Variants in TBCD observed in about 807,000 individuals in gnomAD.
TBCD encodes tubulin folding cofactor D, also known as tubulin-specific chaperone D.
In TBCD, 105 loss-of-function variants were observed where a neutral mutation model predicts 169.3. The observed-to-expected ratio is 0.62, with a 90% confidence interval of 0.53 to 0.73. TBCD has a LOEUF of 0.73. TBCD is among the 30% of genes least tolerant of loss of function. The probability of loss-of-function intolerance (pLI) is 0.00; values close to 1 mark genes in which losing one functional copy is unlikely to be tolerated. For synonymous variants in TBCD, 700 were observed against 643.9 expected (o/e 1.09, Z -1.32); for missense variants, 1,444 against 1,600.1 (o/e 0.90, Z 1.66).
At chr17:82,807,543 C>T (rs2051063080) in intron 10 of TBCD, 65 bp from the exon 11 acceptor site, 1 of 1,350,688 alleles carries the variant, frequency 7.4e-7, no homozygotes, top group African/African-American at 1.5e-5. Flanking sequence ...GATGGGTCAC[C>T]TTACAGCTGG....
intron 30 of TBCD, 144 bp from the exon 31 acceptor site, chr17:82,928,969 C>A: frequency 9.5e-7 from 1 of 1,049,294 alleles, no homozygotes; most frequent in Non-Finnish European, 1.3e-6. Flanking sequence ...TGTCAGCTGC[C>A]AACTCAGCCA....
At chr17:82,771,071 C>G (rs2048289052) in intron 5 of TBCD, among the ~76,000 whole-genome samples, 1 of 142,638 alleles carries the variant, frequency 7.0e-6, no homozygotes, top group Non-Finnish European at 1.5e-5. Flanking sequence ...AAAAAAAAAG[C>G]CTGCCCCAGA....
At position 82,930,824 on chromosome 17, in the gene TBCD, C is replaced by T. The variant is rs1467000630; in HGVS notation, c.3113+181C>T. The stretch of plus-strand genomic sequence containing the variant: ...TGCCTGCAGCATATGGTTCTCCGGG[C>T]GGCCAGGCCTCAGCCCCTGCGCCTC... On this transcript the variant is annotated intron_variant, in intron 33 of 38. Transcript: ENST00000355528. The surrounding 1 kb of genome is among the most constrained non-coding windows in gnomAD (Gnocchi z 5.2). 2.0e-5 allele frequency among the ~76,000 whole-genome samples: 3 copies of T among 152,190 alleles called. No homozygotes were observed. Among genetic ancestry groups the T allele is most frequent in the East Asian group, 1.9e-4 (1 of 5,194 alleles).
chr17:82,795,124 A>T (rs2050008398), intron 7 of TBCD, among the ~76,000 whole-genome samples: 2 of 152,230 alleles, frequency 1.3e-5, no homozygotes, highest in Admixed American at 1.3e-4. Context: ...GTTGTACTAC[A>T]CTTCATAGGA....
At chr17:82,941,912 C>A in intron 38 of TBCD, 1 of 215,016 alleles carries the variant, frequency 4.7e-6, no homozygotes, top group Non-Finnish European at 9.1e-6. Flanking sequence ...TCTAAAGTAA[C>A]AAAAACAAGT....
chr17:82,763,928 C>T (rs2047900149), intron 2 of TBCD, 37 bp from the exon 3 acceptor site: 1 of 1,574,204 alleles, frequency 6.4e-7, no homozygotes, highest in Non-Finnish European at 8.7e-7. Flanking sequence ...TGTTGATGTT[C>T]ACTTTTACAG....
At chr17:82,872,031 T>C (rs1423720666) in intron 14 of TBCD, among the ~76,000 whole-genome samples, 2 of 152,154 alleles carry the variant, frequency 1.3e-5, no homozygotes, top group East Asian at 3.9e-4. Context: ...TGTTCCATCT[T>C]ACCAAATACT....
intron 23 of TBCD, among the ~76,000 whole-genome samples, chr17:82,914,537 C>A (rs970949954): frequency 1.3e-5 from 2 of 152,220 alleles, no homozygotes; most frequent in African/African-American, 4.8e-5. Context: ...TCCCTCACAC[C>A]GCTGAGTGCA....
chr17:82,753,823 GA>G (rs2047250596), intron 1 of TBCD, among the ~76,000 whole-genome samples: 1 of 151,048 alleles, frequency 6.6e-6, no homozygotes, highest in African/African-American at 2.4e-5. Context: ...CCATGGAGAA[GA>G]TTTAGTTCAC....
At chr17:82,904,096 C>T (rs1297714275) in intron 19 of TBCD, among the ~76,000 whole-genome samples, 4 of 147,892 alleles carry the variant, frequency 2.7e-5, no homozygotes, top group African/African-American at 1.0e-4. Context: ...ACCTGCCACA[C>T]GACACTCCCT....
chr17:82,839,137 A>G lies in TBCD; in HGVS notation c.1318+24203A>G, dbSNP rs535349417. ...CCAATTTTAAACTTCATGTAAGCTT[A>G]TGTACTTATTTTAAACTTTAAAACT... On this transcript the variant is annotated intron_variant, in intron 13 of 38. Coordinates refer to ENST00000355528, the MANE Select transcript of TBCD (RefSeq NM_005993.5). Among the ~76,000 whole-genome samples the G allele has an allele frequency of 5.3e-5, 8 of 152,338 alleles. No individual in the cohort carries two copies. The East Asian group carries it at 1.5e-3, about 29-fold the overall frequency.
chr17:82,871,635 T>A (rs890769926), intron 14 of TBCD, among the ~76,000 whole-genome samples: 15 of 152,194 alleles, frequency 9.9e-5, no homozygotes, highest in African/African-American at 3.4e-4. Context: ...CACCTGGAAG[T>A]GCACTGCTCC....
At chr17:82,772,430 T>G in intron 5 of TBCD, 22 bp from the exon 6 acceptor site, 1 of 1,613,908 alleles carries the variant, frequency 6.2e-7, no homozygotes, top group Non-Finnish European at 8.5e-7. Flanking sequence ...TGACCGTGTC[T>G]GTGCTTCACC....
rs1293333114 is a variant in TBCD, at chr17:82,832,243, A to G, written c.1318+17309A>G. 6.2e-7 allele frequency: 1 copy of G among 1,614,220 alleles called. No homozygotes were observed. The highest frequency in any genetic ancestry group is 1.7e-5 in the Admixed American group (1 of 60,034). On this transcript the variant is annotated intron_variant, in intron 13 of 38. Coordinates refer to ENST00000355528, the MANE Select transcript of TBCD (RefSeq NM_005993.5). This position sits in a 1 kb window ranked among gnomAD's most constrained non-coding sequence, Gnocchi z 4.9. ...GGGCTGGTTGGTTTGCTTGGGGTCT[A>G]GTGAGTTAGATTTAGGGCACTTGGG...
chr17:82,907,885 C>T, intron 21 of TBCD, 64 bp downstream of exon 21: 1 of 1,545,940 alleles, frequency 6.5e-7, no homozygotes. Context: ...CTTAGGGCCT[C>T]CCACCCTCCC....
In TBCD at chr17:82,782,400, T is replaced by C. The variant is rs998048634; in HGVS notation, c.771+679T>C. 1.3e-5 allele frequency among the ~76,000 whole-genome samples: 2 copies of C among 152,220 alleles called. No individual in the cohort carries two copies. Among genetic ancestry groups the C allele is most frequent in the African/African-American group, 4.8e-5 (2 of 41,462 alleles). On this transcript the variant is annotated intron_variant, in intron 7 of 38. Transcript: ENST00000355528. This position sits in a 1 kb window ranked among gnomAD's most constrained non-coding sequence, Gnocchi z 5.1. ...CTTTGGCGTGGTGGGTTCAGCGCCT[T>C]CTTCTCTCTTTAATTACAGCGGGTG...
chr17:82,911,827 T>C (rs1270575013), intron 23 of TBCD, 38 bp downstream of exon 23: 1 of 1,612,238 alleles, frequency 6.2e-7, no homozygotes. Context: ...TGCAGCCCTT[T>C]GCCGCAGCCA....
At chr17:82,766,826 G>A (rs144688404) in intron 4 of TBCD, among the ~76,000 whole-genome samples, 2 of 152,316 alleles carry the variant, frequency 1.3e-5, no homozygotes, top group African/African-American at 4.8e-5. Flanking sequence ...AGAACCAGGC[G>A]GGAGCTCCCG....
At chr17:82,872,672 GA>G (rs11310374) in intron 14 of TBCD, among the ~76,000 whole-genome samples, 36,048 of 152,278 alleles carry the variant, frequency 0.24, 4,516 homozygotes, top group East Asian at 0.45. Flanking sequence ...TTGTTGATAG[GA>G]ATAGTCACAG....
Sources: allele counts gnomAD v4.1 joint callset (sites outside exome capture counted in the v4.1 genomes callset), GRCh38; gene constraint gnomAD v4.1.1; non-coding constraint Gnocchi (gnomAD v3.1); transcripts MANE v1.5; gene names NCBI Gene and HGNC (gene_info 2026-07-23, HGNC 2026-07-21).